The following DIAPH3 variants were observed in gnomAD, a reference collection of about 807,000 sequenced individuals.
The protein encoded by DIAPH3 is diaphanous related formin 3.
Under a neutral mutation model 144.3 loss-of-function variants are expected in DIAPH3, and 117 were observed. That is an observed-to-expected ratio of 0.81 (90% CI 0.70 to 0.95). DIAPH3 has a LOEUF of 0.95. Among genes scored for constraint, DIAPH3 ranks in the 40% least tolerant of loss-of-function variants. The probability of loss-of-function intolerance (pLI) is 0.00; values close to 1 mark genes in which losing one functional copy is unlikely to be tolerated. For missense variants in DIAPH3, 1,421 were observed against 1,412.7 expected (o/e 1.01, Z -0.09); for synonymous variants, 519 against 488.9 (o/e 1.06, Z -0.81).
chr13:59,901,221 TTAAAA>T (rs2046410926), intron 20 of DIAPH3, among the ~76,000 whole-genome samples: 1 of 152,250 alleles, frequency 6.6e-6, no homozygotes, highest in South Asian at 2.1e-4. Context: ...AACGGCTTTC[TTAAAA>T]TAAAATCCAT....
intron 4 of DIAPH3, 44 bp from the exon 5 acceptor site, chr13:60,042,864 G>A: frequency 6.2e-7 from 1 of 1,603,380 alleles, no homozygotes; most frequent in Non-Finnish European, 8.5e-7. Context: ...ACTGCATGGA[G>A]ATTACCCATT....
chr13:59,845,752 T>C (rs1418094415), intron 22 of DIAPH3, among the ~76,000 whole-genome samples: 7 of 152,212 alleles, frequency 4.6e-5, no homozygotes, highest in Admixed American at 4.6e-4. Flanking sequence ...TAAAGTGCCC[T>C]TTCTCCCAAT....
chr13:59,831,431 C>T (rs986049963), intron 24 of DIAPH3, among the ~76,000 whole-genome samples: 9 of 151,890 alleles, frequency 5.9e-5, no homozygotes, highest in African/African-American at 2.2e-4. Flanking sequence ...TGGAGTCCAA[C>T]AGACAATGCT....
chr13:59,700,664 G>C (rs1003068456), intron 27 of DIAPH3, among the ~76,000 whole-genome samples: 2 of 152,058 alleles, frequency 1.3e-5, no homozygotes, highest in Non-Finnish European at 2.9e-5. Context: ...AGAGGATAAA[G>C]CCAGTTGATG....
intron 27 of DIAPH3, among the ~76,000 whole-genome samples, chr13:59,681,351 C>T (rs1404612212): frequency 6.6e-6 from 1 of 152,098 alleles, no homozygotes; most frequent in African/African-American, 2.4e-5. Flanking sequence ...GTGGCACACA[C>T]CTGTAGTCCT....
At position 59,770,227 on chromosome 13, in the gene DIAPH3, C is replaced by A. The variant is rs541367385; in HGVS notation, c.3319+3962G>T. On this transcript the variant is annotated intron_variant, in intron 27 of 27. Transcript: ENST00000400324. ...GCTGGAACTTTAGCAACTGGCATATCAAATTATTTGGGTGACATTAAGAGA... is the reference window on the plus strand; with the variant it reads ...GCTGGAACTTTAGCAACTGGCATATAAAATTATTTGGGTGACATTAAGAGA... 2.6e-5 allele frequency among the ~76,000 whole-genome samples: 4 copies of A among 152,222 alleles called. No homozygotes were observed. The South Asian group carries it at 8.3e-4, about 32-fold the overall frequency.
chr13:60,018,734 G>C (rs1436426111), intron 5 of DIAPH3, among the ~76,000 whole-genome samples: 1 of 152,072 alleles, frequency 6.6e-6, no homozygotes, highest in Admixed American at 6.6e-5. Context: ...ACAATAAAAT[G>C]AGAGTTGGGC....
At chr13:59,823,477 G>A (rs2041190229) in intron 24 of DIAPH3, among the ~76,000 whole-genome samples, 1 of 152,134 alleles carries the variant, frequency 6.6e-6, no homozygotes. Context: ...TGCTAATGAA[G>A]ACATAAGTCT....
intron 1 of DIAPH3, among the ~76,000 whole-genome samples, chr13:60,150,737 A>G: frequency 6.6e-6 from 1 of 152,202 alleles, no homozygotes; most frequent in East Asian, 1.9e-4. Flanking sequence ...CAGCCACAGA[A>G]GCCTGCCAGG....
intron 17 of DIAPH3, among the ~76,000 whole-genome samples, chr13:59,959,279 G>T (rs2049602560): frequency 1.3e-5 from 2 of 152,296 alleles, no homozygotes; most frequent in South Asian, 4.1e-4. Flanking sequence ...CAAGCTAAAA[G>T]AAAGTGACAT....
chr13:59,803,030 C>G (rs2040019480), intron 25 of DIAPH3, among the ~76,000 whole-genome samples: 2 of 152,070 alleles, frequency 1.3e-5, no homozygotes, highest in South Asian at 4.1e-4. Context: ...GGCCAGCTAA[C>G]AAATATTTTA....
intron 27 of DIAPH3, among the ~76,000 whole-genome samples, chr13:59,693,591 G>C (rs1277887551): frequency 1.3e-5 from 2 of 152,050 alleles, no homozygotes; most frequent in African/African-American, 2.4e-5. Context: ...ACTCATTGCG[G>C]AACAAAAACA....
At chr13:59,959,630 T>C (rs1485382737) in intron 17 of DIAPH3, among the ~76,000 whole-genome samples, 1 of 152,138 alleles carries the variant, frequency 6.6e-6, no homozygotes, top group Non-Finnish European at 1.5e-5. Context: ...GCTTTGATGA[T>C]ACAGGAAGGA....
chr13:59,897,545 C>T (rs990270135), intron 20 of DIAPH3, among the ~76,000 whole-genome samples: 4 of 150,850 alleles, frequency 2.7e-5, no homozygotes, highest in Admixed American at 6.6e-5. Context: ...GTCAGGAGTT[C>T]GAGACCAGCC....
chr13:59,829,469 AG>A (rs1448884067), intron 24 of DIAPH3, among the ~76,000 whole-genome samples: 1 of 151,906 alleles, frequency 6.6e-6, no homozygotes, highest in Non-Finnish European at 1.5e-5. Context: ...TAGGCAAGTC[AG>A]GATCTCTCTA....
At chr13:59,968,427 C>T (rs1353616825) in intron 17 of DIAPH3, among the ~76,000 whole-genome samples, 1 of 152,048 alleles carries the variant, frequency 6.6e-6, no homozygotes, top group Admixed American at 6.6e-5. Flanking sequence ...ATTTTAACTG[C>T]CATGTATTTT....
At chr13:59,848,305 A>ATTTT (rs1198793340) in intron 22 of DIAPH3, among the ~76,000 whole-genome samples, 1 of 66,988 alleles carries the variant, frequency 1.5e-5, no homozygotes, top group African/African-American at 3.7e-5. Flanking sequence ...GTAAAGTCAA[A>ATTTT]TCTTTTTTTT....
chr13:60,044,179 T>C (rs2055897805), intron 4 of DIAPH3: 1 of 152,174 alleles, frequency 6.6e-6, no homozygotes, highest in Non-Finnish European at 1.5e-5. Context: ...TTCTGAATTA[T>C]ATTATTTGAA....
In DIAPH3 at chr13:59,843,238, T is replaced by C. The variant is rs559994947; in HGVS notation, c.2738-3790A>G. ...TACTTTTCATTGTACCGTATGGATA[T>C]AGAAGTACATGTCTGGTCAGAGGGC... is the stretch of plus-strand genomic sequence containing the variant. On this transcript the variant is annotated intron_variant, in intron 22 of 27. Transcript: ENST00000400324. 6.6e-5 allele frequency among the ~76,000 whole-genome samples: 10 copies of C among 152,288 alleles called. No homozygotes were observed. In the South Asian group the frequency reaches 1.0e-3, roughly 16 times the overall value.
Sources: allele counts gnomAD v4.1 joint callset (sites outside exome capture counted in the v4.1 genomes callset), GRCh38; gene constraint gnomAD v4.1.1; transcripts MANE v1.5; gene names NCBI Gene and HGNC (gene_info 2026-07-23, HGNC 2026-07-21).